USP28: variants seen among roughly 807,000 people sequenced by gnomAD.
USP28 encodes ubiquitin carboxyl-terminal hydrolase 28.
In USP28, 113 loss-of-function variants were observed where a neutral mutation model predicts 145.0. The observed-to-expected ratio is 0.78, with a 90% CI of 0.67 to 0.91. The LOEUF is 0.91. USP28 is among the 40% of genes least tolerant of loss of function. The pLI is 0.00. For missense variants in USP28, 1,201 were observed against 1,289.6 expected (o/e 0.93, Z 1.05); for synonymous variants, 447 against 450.9 (o/e 0.99, Z 0.11).
chr11:113,823,688 C>G, exon 12 of USP28: 3 of 1,609,746 alleles, frequency 1.9e-6, no homozygotes, highest in Non-Finnish European at 2.5e-6. Context: ...GCTCCTTGCT[C>G]CTGTACATGT....
chr11:113,852,397 T>C (rs1424812398), intron 3 of USP28, 104 bp downstream of exon 3: 1 of 1,450,354 alleles, frequency 6.9e-7, no homozygotes, highest in Non-Finnish European at 9.5e-7. Flanking sequence ...GTTATTACTA[T>C]TATTTTCAAA....
At chr11:113,838,433 C>A (rs1163538047) in intron 5 of USP28, among the ~76,000 whole-genome samples, 1 of 152,148 alleles carries the variant, frequency 6.6e-6, no homozygotes, top group Non-Finnish European at 1.5e-5. Flanking sequence ...TCATCATGAC[C>A]CCAAGCTCTT....
At chr11:113,821,517 G>C (rs1221516898) in intron 12 of USP28, 1 of 206,440 alleles carries the variant, frequency 4.8e-6, no homozygotes, top group East Asian at 1.1e-4. Flanking sequence ...TTAATCTTTA[G>C]AAGGGCACCT....
chr11:113,813,772 T>C (rs1941330764), intron 15 of USP28, 113 bp downstream of exon 15: 3 of 801,724 alleles, frequency 3.7e-6, no homozygotes, highest in South Asian at 1.6e-5. Flanking sequence ...CTTAAGTTTA[T>C]TCTTTTATCT....
exon 25 of USP28, chr11:113,798,375 A>G (rs1938327137): frequency 6.6e-6 from 1 of 151,866 alleles, no homozygotes; most frequent in South Asian, 2.1e-4. Flanking sequence ...AGATTGCACC[A>G]CTGAACGCCA....
chr11:113,843,372 T>TA (rs963561947), intron 3 of USP28, among the ~76,000 whole-genome samples: 4 of 150,620 alleles, frequency 2.7e-5, no homozygotes, highest in South Asian at 2.1e-4. Context: ...CAGGAGCAGT[T>TA]AAAAAAAAAT....
At chr11:113,856,548 C>T (rs1947066183) in intron 1 of USP28, among the ~76,000 whole-genome samples, 1 of 152,106 alleles carries the variant, frequency 6.6e-6, no homozygotes, top group Admixed American at 6.6e-5. Flanking sequence ...TTACGCCTGT[C>T]CTACAAAAAG....
intron 8 of USP28, 142 bp downstream of exon 8, chr11:113,831,778 A>T (rs1159623216): frequency 1.7e-6 from 1 of 598,834 alleles, no homozygotes; most frequent in Non-Finnish European, 2.8e-6. Flanking sequence ...GGGATACATG[A>T]TGAGGACTAC....
chr11:113,839,522 T>G (rs1320129505), intron 5 of USP28, among the ~76,000 whole-genome samples: 1 of 151,632 alleles, frequency 6.6e-6, no homozygotes, highest in African/African-American at 2.4e-5. Flanking sequence ...GAGGCAGAAG[T>G]TGCATTGAGC....
chr11:113,873,697 A>G (rs1248872713), intron 1 of USP28, among the ~76,000 whole-genome samples: 4 of 152,234 alleles, frequency 2.6e-5, no homozygotes, highest in African/African-American at 9.6e-5. Flanking sequence ...GCTAAAAACA[A>G]ATAGAACTGA....
intron 5 of USP28, among the ~76,000 whole-genome samples, chr11:113,834,963 T>G (rs1944406654): frequency 6.6e-6 from 1 of 152,188 alleles, no homozygotes; most frequent in African/African-American, 2.4e-5. Context: ...ATACTACGTA[T>G]TGTTCAGGGA....
At chr11:113,865,581 C>T (rs538095419) in intron 1 of USP28, among the ~76,000 whole-genome samples, 5 of 152,284 alleles carry the variant, frequency 3.3e-5, no homozygotes, top group East Asian at 1.9e-4. Flanking sequence ...AGAGTGCCAA[C>T]ACCATTTGAT....
chr11:113,875,497 G>C, exon 1 of USP28: 1 of 1,186,422 alleles, frequency 8.4e-7, no homozygotes, highest in South Asian at 3.3e-5. Context: ...CAGCTCCGCA[G>C]TCATGGCCGA....
chr11:113,818,632 G>A (rs988784707), intron 12 of USP28, among the ~76,000 whole-genome samples: 2 of 152,132 alleles, frequency 1.3e-5, no homozygotes, highest in African/African-American at 2.4e-5. Flanking sequence ...GCCAAGGCAG[G>A]TAGATGGCTT....
chr11:113,861,280 G>A (rs1461315607), intron 1 of USP28, among the ~76,000 whole-genome samples: 2 of 152,088 alleles, frequency 1.3e-5, no homozygotes, highest in Non-Finnish European at 2.9e-5. Context: ...TCATGGAATA[G>A]AAACCTAAAG....
At chr11:113,858,761 C>T (rs1218743113) in intron 1 of USP28, among the ~76,000 whole-genome samples, 1 of 152,174 alleles carries the variant, frequency 6.6e-6, no homozygotes, top group Admixed American at 6.5e-5. Flanking sequence ...AGGCACCCAC[C>T]ACCACGCCTA....
intron 18 of USP28, 53 bp from the exon 20 acceptor site, chr11:113,806,637 C>G (rs1940021154): frequency 7.6e-7 from 1 of 1,312,122 alleles, no homozygotes; most frequent in African/African-American, 1.5e-5. Context: ...AAAGGTTCAG[C>G]AGAAGACTGT....
intron 1 of USP28, among the ~76,000 whole-genome samples, chr11:113,865,490 T>G (rs889096602): frequency 6.6e-6 from 1 of 152,156 alleles, no homozygotes; most frequent in Non-Finnish European, 1.5e-5. Context: ...AGTACTGGCA[T>G]AAGGACAGAT....
chr11:113,831,796 G>A (rs958778193), intron 8 of USP28, 124 bp downstream of exon 8: 22 of 811,904 alleles, frequency 2.7e-5, no homozygotes, highest in Non-Finnish European at 4.1e-5. Flanking sequence ...TACCTCAGTG[G>A]TTATCCCAGG....
Sources: gnomAD v4.1 joint callset for allele counts (sites outside exome capture counted in the v4.1 genomes callset) on GRCh38, gnomAD v4.1.1 for gene constraint, MANE v1.5 for transcripts, NCBI Gene and HGNC (gene_info 2026-07-23, HGNC 2026-07-21) for gene names.